The following PPP3CA variants were observed in gnomAD, a reference collection of about 807,000 sequenced individuals.
PPP3CA encodes CAM-PRP catalytic subunit.
PPP3CA carries 14 observed loss-of-function variants against 66.5 expected under a neutral mutation model. The observed-to-expected ratio is 0.21, with a 90% CI of 0.14 to 0.33. The LOEUF is 0.33. PPP3CA is among the 10% of genes least tolerant of loss of function. PPP3CA has a pLI of 1.00. For synonymous variants in PPP3CA, 232 were observed against 226.2 expected (o/e 1.03, Z -0.23); for missense variants, 317 against 639.5 (o/e 0.50, Z 5.44).
intron 2 of PPP3CA, among the ~76,000 whole-genome samples, chr4:101,174,983 C>A (rs1308194841): frequency 6.6e-6 from 1 of 152,042 alleles, no homozygotes; most frequent in Non-Finnish European, 1.5e-5. Flanking sequence ...TTTGTGAAAT[C>A]CATGTTCAGG....
intron 2 of PPP3CA, among the ~76,000 whole-genome samples, chr4:101,116,929 G>T (rs1002391090): frequency 9.9e-5 from 15 of 151,266 alleles, no homozygotes; most frequent in Admixed American, 2.0e-4. Flanking sequence ...ATCAAAATTT[G>T]GTAAATACAG....
At chr4:101,323,029 T>G (rs530318113) in intron 1 of PPP3CA, among the ~76,000 whole-genome samples, 1 of 152,198 alleles carries the variant, frequency 6.6e-6, no homozygotes, top group Admixed American at 6.5e-5. Context: ...AAATAGAGCA[T>G]GTATTTCTCA....
At position 101,033,290 on chromosome 4, in the gene PPP3CA, ACAAACACACACACACACACACAC is replaced by A. The variant is rs1560571187; in HGVS notation, c.1242-949_1242-927del. Among the ~76,000 whole-genome samples the A allele has an allele frequency of 8.1e-4, 72 of 88,670 alleles. 1 individual carries two copies. Among genetic ancestry groups the A allele is most frequent in the African/African-American group, 3.0e-3 (71 of 23,758 alleles). The allele number at this position is 88,670 out of a possible 152,430, so 58.2% of individuals were successfully genotyped here. A position where few individuals can be genotyped will look rare whatever the true frequency, so the allele number is the denominator to read the frequency against. ...CATACATAGAGACACACACACACAC[ACAAACACACACACACACACACAC>A]ACACACACACACACACAGGGAGAGA... On this transcript the variant is annotated intron_variant, in intron 11 of 13. Transcript: ENST00000394854.
chr4:101,134,306 C>T (rs1722544580), intron 2 of PPP3CA, among the ~76,000 whole-genome samples: 1 of 152,086 alleles, frequency 6.6e-6, no homozygotes, highest in African/African-American at 2.4e-5. Context: ...AACAGGCAAC[C>T]TACAGAATGG....
At chr4:101,033,288 ACACAAACACAC>A (rs1727084505) in intron 11 of PPP3CA, among the ~76,000 whole-genome samples, 1 of 71,588 alleles carries the variant, frequency 1.4e-5, no homozygotes, top group Non-Finnish European at 2.9e-5. Context: ...ACACACACAC[ACACAAACACAC>A]ACACACACAC....
chr4:101,088,170 T>C (rs578018288), intron 6 of PPP3CA, among the ~76,000 whole-genome samples: 5 of 152,312 alleles, frequency 3.3e-5, no homozygotes, highest in South Asian at 2.1e-4. Flanking sequence ...GTGTGTGTAA[T>C]AGCCTGCACA....
chr4:101,289,807 G>A (rs1041720388), intron 1 of PPP3CA, among the ~76,000 whole-genome samples: 1 of 151,274 alleles, frequency 6.6e-6, no homozygotes, highest in Non-Finnish European at 1.5e-5. Context: ...TCATTCAAAT[G>A]TCACTTGATT....
At chr4:101,271,880 G>A (rs1486109224) in intron 1 of PPP3CA, among the ~76,000 whole-genome samples, 1 of 152,168 alleles carries the variant, frequency 6.6e-6, no homozygotes, top group Non-Finnish European at 1.5e-5. Context: ...TGCTGTTGGT[G>A]AATAAATGTC....
At chr4:101,265,503 A>C (rs1459241277) in intron 1 of PPP3CA, among the ~76,000 whole-genome samples, 1 of 152,210 alleles carries the variant, frequency 6.6e-6, no homozygotes, top group Admixed American at 6.5e-5. Context: ...AACAGAGAAG[A>C]TAGGCATAAA....
At chr4:101,124,912 AG>A (rs903831953) in intron 2 of PPP3CA, among the ~76,000 whole-genome samples, 3 of 152,200 alleles carry the variant, frequency 2.0e-5, no homozygotes, top group Non-Finnish European at 2.9e-5. Context: ...AAATATTCAC[AG>A]GTTACTGAAT....
chr4:101,245,283 G>C (rs1726442416), intron 1 of PPP3CA, among the ~76,000 whole-genome samples: 1 of 152,090 alleles, frequency 6.6e-6, no homozygotes, highest in African/African-American at 2.4e-5. Flanking sequence ...TAGCTCCTCT[G>C]TATCTGAGCT....
At chr4:101,288,728 TA>T (rs199597129) in intron 1 of PPP3CA, among the ~76,000 whole-genome samples, 4 of 151,216 alleles carry the variant, frequency 2.6e-5, no homozygotes, top group East Asian at 1.9e-4. Flanking sequence ...TCTGTGTATT[TA>T]AAAAAAAATA....
At chr4:101,190,187 T>G (rs1303017947) in intron 2 of PPP3CA, among the ~76,000 whole-genome samples, 30 of 152,118 alleles carry the variant, frequency 2.0e-4, no homozygotes, top group Non-Finnish European at 1.5e-5. Context: ...CCACTTCTCT[T>G]AAAGCCACGA....
intron 1 of PPP3CA, among the ~76,000 whole-genome samples, chr4:101,243,817 T>C (rs1289619335): frequency 6.6e-6 from 1 of 152,182 alleles, no homozygotes; most frequent in Non-Finnish European, 1.5e-5. Flanking sequence ...CATGCCTGTG[T>C]GGTCTTGGGT....
At chr4:101,089,430 A>AC (rs1353318531) in intron 6 of PPP3CA, among the ~76,000 whole-genome samples, 2 of 152,170 alleles carry the variant, frequency 1.3e-5, no homozygotes, top group African/African-American at 4.8e-5. Context: ...TGATTAAGGG[A>AC]CCAGTAGTGA....
At chr4:101,070,010 G>A (rs1728846184) in intron 8 of PPP3CA, among the ~76,000 whole-genome samples, 1 of 152,062 alleles carries the variant, frequency 6.6e-6, no homozygotes, top group Non-Finnish European at 1.5e-5. Context: ...ATTGCAGTGG[G>A]GGTTGGCACC....
chr4:101,284,228 C>T (rs2850350), intron 1 of PPP3CA, among the ~76,000 whole-genome samples: 54,600 of 152,024 alleles, frequency 0.36, 14,765 homozygotes, highest in African/African-American at 0.73. Context: ...GGAAGTATAA[C>T]GGTAACTTTC....
chr4:101,205,530 G>C (rs1159934519), intron 1 of PPP3CA, among the ~76,000 whole-genome samples: 1 of 151,620 alleles, frequency 6.6e-6, no homozygotes, highest in Admixed American at 6.6e-5. Context: ...CATAGTACTT[G>C]CCTTCTTAGT....
At chr4:101,196,507 G>C (rs1012428488) in intron 1 of PPP3CA, among the ~76,000 whole-genome samples, 1 of 152,110 alleles carries the variant, frequency 6.6e-6, no homozygotes, top group Non-Finnish European at 1.5e-5. Flanking sequence ...TAGAAAACAG[G>C]CTCCTCTACT....
Sources: gnomAD v4.1 joint callset for allele counts (sites outside exome capture counted in the v4.1 genomes callset) on GRCh38, gnomAD v4.1.1 for gene constraint, MANE v1.5 for transcripts, NCBI Gene and HGNC (gene_info 2026-07-23, HGNC 2026-07-21) for gene names.